The following CLINT1 variants were observed in gnomAD, a reference collection of about 807,000 sequenced individuals.
The protein encoded by CLINT1 is clathrin interactor 1, also known as clathrin interacting protein localized in the trans-Golgi region.
CLINT1 carries 15 observed loss-of-function variants against 70.4 expected under a neutral mutation model. That is an observed-to-expected ratio of 0.21 (90% confidence interval 0.14 to 0.33). The LOEUF is 0.33. Ranked by LOEUF, CLINT1 falls within the 10% of genes least tolerant of loss-of-function variation. The pLI is 1.00. For synonymous variants in CLINT1, 227 were observed against 254.7 expected, an observed-to-expected ratio of 0.89 and a Z score of 1.04; for missense variants, 615 against 778.1, an observed-to-expected ratio of 0.79 and a Z score of 2.49.
chr5:157,797,823 T>C (rs1762110040), intron 8 of CLINT1, among the ~76,000 whole-genome samples: 1 of 152,330 alleles, frequency 6.6e-6, no homozygotes, highest in East Asian at 1.9e-4. Flanking sequence ...TTCAGATAAT[T>C]ACCTATCTTC....
intron 1 of CLINT1, among the ~76,000 whole-genome samples, chr5:157,830,509 G>T (rs374810805): frequency 6.6e-6 from 1 of 151,384 alleles, no homozygotes; most frequent in Non-Finnish European, 1.5e-5. Flanking sequence ...TATTCTTTTC[G>T]TAAGAGTAAA....
At chr5:157,818,415 ATCAAATATAATAAC>A in intron 1 of CLINT1, among the ~76,000 whole-genome samples, 1 of 150,606 alleles carries the variant, frequency 6.6e-6, no homozygotes, top group Non-Finnish European at 1.5e-5. Context: ...TATTATTACT[ATCAAATATAATAAC>A]CAACACCAGC....
intron 8 of CLINT1, among the ~76,000 whole-genome samples, chr5:157,796,476 A>C (rs2113144876): frequency 6.6e-6 from 1 of 152,328 alleles, no homozygotes; most frequent in African/African-American, 2.4e-5. Context: ...TAACAGTCAC[A>C]ACCTTAGAAG....
At chr5:157,803,777 T>C (rs1762303195) in intron 7 of CLINT1, 58 bp from the exon 8 acceptor site, 1 of 1,198,174 alleles carries the variant, frequency 8.3e-7, no homozygotes, top group East Asian at 2.5e-5. Context: ...AAAAATCAGC[T>C]CTATCCATCT....
At chr5:157,827,627 C>T (rs1352357178) in intron 1 of CLINT1, among the ~76,000 whole-genome samples, 3 of 152,158 alleles carry the variant, frequency 2.0e-5, no homozygotes, top group East Asian at 3.8e-4. Flanking sequence ...GAAAACTACA[C>T]GAATGCGATA....
At chr5:157,857,402 A>G (rs979958362) in intron 1 of CLINT1, among the ~76,000 whole-genome samples, 4 of 152,342 alleles carry the variant, frequency 2.6e-5, no homozygotes, top group Non-Finnish European at 5.9e-5. Context: ...AAATAGCTAA[A>G]TAGTCCGAAA....
intron 8 of CLINT1, among the ~76,000 whole-genome samples, chr5:157,803,005 T>C (rs1249034525): frequency 2.0e-5 from 3 of 152,266 alleles, no homozygotes; most frequent in African/African-American, 7.2e-5. Context: ...CTCTGTTTTT[T>C]ACAAGCACCC....
At chr5:157,802,687 A>G (rs1762264573) in intron 8 of CLINT1, among the ~76,000 whole-genome samples, 1 of 151,974 alleles carries the variant, frequency 6.6e-6, no homozygotes, top group African/African-American at 2.4e-5. Flanking sequence ...CTGGGATTAC[A>G]GGTACCTGCC....
chr5:157,788,001 C>CA lies in CLINT1; in HGVS notation c.1532-10_1532-9insT, dbSNP rs1561632837. On this transcript the variant is annotated splice_polypyrimidine_tract_variant and intron_variant, in intron 11 of 11. Transcript: ENST00000411809. ...CATAGGCTGCTGCATATCTACCAGA[C>CA]GAAAACAGACAGAAGAACTTTACCA... The CA allele has an allele frequency of 6.9e-6, 11 of 1,588,836 alleles. No homozygotes were observed. The highest frequency in any genetic ancestry group is 9.4e-6 in the Non-Finnish European group (11 of 1,165,112).
At position 157,858,960 on chromosome 5, in the gene CLINT1, A is replaced by G; in HGVS notation, c.11T>C (p.Met4Thr). 3.3e-6 allele frequency: 5 copies of G among 1,516,150 alleles called. No homozygotes were observed. Among genetic ancestry groups the G allele is most frequent in the Non-Finnish European group, 4.5e-6 (5 of 1,122,962 alleles). The allele number at this position is 1,516,150 out of a possible 1,614,324, so 93.9% of individuals were successfully genotyped here. ...GTCCACCAGCTCGCGCACCTTCCAC[A>G]TGTTCAACATCGTGCCCCGCGCGGG... Reference protein sequence around the residue: MLNMWKVRELVDKA... With the variant: MLNTWKVRELVDKA... The change falls in exon 1 of 12, where the codon ATG becomes ACG. Residue 4 changes from methionine (M) to threonine (T), a missense_variant. By Grantham distance (81) the Met-to-Thr change is moderately conservative (BLOSUM62 -1). Transcript: ENST00000411809.
chr5:157,848,189 T>C (rs1203932625), intron 1 of CLINT1, among the ~76,000 whole-genome samples: 1 of 151,080 alleles, frequency 6.6e-6, no homozygotes, highest in East Asian at 2.0e-4. Flanking sequence ...AACCTCCACT[T>C]TCCAGATTCA....
chr5:157,813,928 C>G (rs1457682138), intron 4 of CLINT1, among the ~76,000 whole-genome samples: 3 of 152,164 alleles, frequency 2.0e-5, no homozygotes, highest in African/African-American at 4.8e-5. Context: ...CCACAGGGGA[C>G]CAGTCTCCAG....
intron 8 of CLINT1, among the ~76,000 whole-genome samples, chr5:157,798,734 G>A (rs1167470983): frequency 6.6e-6 from 1 of 151,866 alleles, no homozygotes; most frequent in Non-Finnish European, 1.5e-5. Flanking sequence ...AATCATCAAT[G>A]CAAAATAAAA....
intron 5 of CLINT1, among the ~76,000 whole-genome samples, 196 bp downstream of exon 5, chr5:157,812,867 T>C (rs1002340211): frequency 6.6e-6 from 1 of 152,206 alleles, no homozygotes; most frequent in Non-Finnish European, 1.5e-5. Flanking sequence ...TAAAATCCTA[T>C]TGCCGAACCC....
chr5:157,808,849 T>C (rs534219629), intron 6 of CLINT1, among the ~76,000 whole-genome samples: 2 of 152,140 alleles, frequency 1.3e-5, no homozygotes, highest in African/African-American at 2.4e-5. Context: ...CTTTGACTTA[T>C]GTTTAATTAA....
chr5:157,821,584 A>C (rs530899579), intron 1 of CLINT1, among the ~76,000 whole-genome samples: 1 of 152,338 alleles, frequency 6.6e-6, no homozygotes, highest in South Asian at 2.1e-4. Context: ...CATGTGTTCT[A>C]TCTAGGCTTA....
chr5:157,788,046 TAGAAC>T (rs766752759), intron 11 of CLINT1, 54 bp from the exon 12 acceptor site: 5 of 1,365,602 alleles, frequency 3.7e-6, no homozygotes, highest in Non-Finnish European at 4.1e-6. Flanking sequence ...TTTAGGTTCA[TAGAAC>T]AGAGAACTAA....
chr5:157,802,639 G>A (rs1440969830), intron 8 of CLINT1, among the ~76,000 whole-genome samples: 2 of 151,254 alleles, frequency 1.3e-5, no homozygotes, highest in Non-Finnish European at 2.9e-5. Flanking sequence ...TCCGCCTCCC[G>A]GGTTCAAGTG....
At chr5:157,808,593 A>G (rs752414262) in intron 6 of CLINT1, among the ~76,000 whole-genome samples, 1 of 152,154 alleles carries the variant, frequency 6.6e-6, no homozygotes, top group Non-Finnish European at 1.5e-5. Context: ...ATTAAGTGCT[A>G]TATGCATTAC....
Sources: allele counts gnomAD v4.1 joint callset (sites outside exome capture counted in the v4.1 genomes callset), GRCh38; gene constraint gnomAD v4.1.1; transcripts MANE v1.5; gene names NCBI Gene and HGNC (gene_info 2026-07-23, HGNC 2026-07-21).